GAREM1: variants seen among roughly 807,000 people sequenced by gnomAD.
GAREM1 encodes GRB2-associated and regulator of MAPK protein 1.
Under a neutral mutation model 71.3 loss-of-function variants are expected in GAREM1, and 26 were observed. That is an observed-to-expected ratio of 0.36 (90% CI 0.27 to 0.51). The LOEUF (loss-of-function observed/expected upper bound fraction) is 0.51, where lower values mean the gene tolerates loss of function less well. Ranked by LOEUF, GAREM1 falls within the 20% of genes least tolerant of loss-of-function variation. The probability of loss-of-function intolerance (pLI) is 0.95; values close to 1 mark genes in which losing one functional copy is unlikely to be tolerated. For missense variants in GAREM1, 1,026 were observed against 1,103.1 expected (o/e 0.93, Z 0.99); for synonymous variants, 440 against 433.2 (o/e 1.02, Z -0.20).
intron 2 of GAREM1, among the ~76,000 whole-genome samples, chr18:32,325,293 GATGCACGTC>G (rs2047464270): frequency 1.3e-5 from 2 of 152,182 alleles, no homozygotes; most frequent in African/African-American, 4.8e-5. Context: ...CTTAATGGTA[GATGCACGTC>G]ATTATATGTT....
chr18:32,447,062 T>C (rs1311957278), intron 1 of GAREM1, among the ~76,000 whole-genome samples: 6 of 152,222 alleles, frequency 3.9e-5, no homozygotes, highest in African/African-American at 1.4e-4. Context: ...CATGCAACTT[T>C]GCTGCTTTTA....
At chr18:32,298,655 G>A (rs796658166) in intron 3 of GAREM1, among the ~76,000 whole-genome samples, 76 of 152,126 alleles carry the variant, frequency 5.0e-4, no homozygotes, top group African/African-American at 1.7e-3. Context: ...TTGTGGACGC[G>A]CACACATTCT....
rs115598156 is a variant in GAREM1 at position 32,323,365 on chromosome 18, C to T, written c.263-13042G>A. Among the ~76,000 whole-genome samples, 357 of 152,314 alleles carry T rather than the reference C, an allele frequency of 2.3e-3. 2 individuals carry two copies. Among genetic ancestry groups the T allele is most frequent in the African/African-American group, 8.0e-3 (334 of 41,566 alleles). On this transcript the variant is annotated intron_variant, in intron 2 of 5. Coordinates refer to ENST00000269209, the MANE Select transcript of GAREM1 (RefSeq NM_001242409.2). The stretch of plus-strand genomic sequence containing the variant: ...TTCATTCTACCTTCATTTGAAGCCA[C>T]GGTCCTGAAGTGGAAGGCTACTCTT...
At chr18:32,325,963 T>A (rs2047471290) in intron 2 of GAREM1, among the ~76,000 whole-genome samples, 1 of 152,216 alleles carries the variant, frequency 6.6e-6, no homozygotes, top group Admixed American at 6.5e-5. Context: ...AGGATGAAGA[T>A]ACACTTGTCA....
chr18:32,322,466 C>G (rs752522311), intron 2 of GAREM1, among the ~76,000 whole-genome samples: 1 of 151,954 alleles, frequency 6.6e-6, no homozygotes, highest in Admixed American at 6.5e-5. Context: ...AATCAATTCA[C>G]TTATTACCTA....
intron 1 of GAREM1, among the ~76,000 whole-genome samples, chr18:32,405,358 T>C (rs1363885314): frequency 6.7e-6 from 1 of 149,218 alleles, no homozygotes; most frequent in Non-Finnish European, 1.5e-5. Flanking sequence ...ACCACCATGC[T>C]GGCTAATTTT....
At chr18:32,281,854 C>A (rs887939527) in intron 4 of GAREM1, among the ~76,000 whole-genome samples, 1 of 152,008 alleles carries the variant, frequency 6.6e-6, no homozygotes, top group African/African-American at 2.4e-5. Flanking sequence ...CTGAAGTAAC[C>A]GAAGAATCAC....
chr18:32,308,272 AG>A (rs1440012915), intron 3 of GAREM1, among the ~76,000 whole-genome samples: 1 of 134,310 alleles, frequency 7.4e-6, no homozygotes, highest in East Asian at 2.1e-4. Flanking sequence ...TATTAAAAAA[AG>A]AACTCTAAAA....
intron 4 of GAREM1, among the ~76,000 whole-genome samples, chr18:32,276,995 C>T (rs773351176): frequency 7.2e-5 from 11 of 152,140 alleles, no homozygotes; most frequent in Non-Finnish European, 1.6e-4. Flanking sequence ...AGGGGAACAA[C>T]AGTGCAAAGA....
At chr18:32,461,445 C>T (rs1192422272) in intron 1 of GAREM1, among the ~76,000 whole-genome samples, 1 of 152,094 alleles carries the variant, frequency 6.6e-6, no homozygotes, top group Non-Finnish European at 1.5e-5. Context: ...CCTGTAATTC[C>T]AGCACTTTGG....
At chr18:32,297,809 G>A (rs183024873) in intron 3 of GAREM1, among the ~76,000 whole-genome samples, 2 of 152,132 alleles carry the variant, frequency 1.3e-5, no homozygotes, top group Admixed American at 1.3e-4. Flanking sequence ...TGAAAAACTT[G>A]GCGAGTCACC....
intron 3 of GAREM1, among the ~76,000 whole-genome samples, chr18:32,292,212 T>C (rs191800601): frequency 1.0e-3 from 153 of 152,358 alleles, no homozygotes; most frequent in African/African-American, 3.6e-3. Context: ...TATCTCATTG[T>C]GGTTTTGATT....
Position 32,434,179 on chromosome 18 carries a change from T to C in GAREM1, c.121+36129A>G, listed in dbSNP as rs368344242. ...GTTTCTCACTGTTGAAAAAAGAAGT[T>C]ACAAATACAAAAAGGAGGACTATCA... On this transcript the variant is annotated intron_variant, in intron 1 of 5. Transcript: ENST00000269209. Among the ~76,000 whole-genome samples, 20 of 152,250 alleles carry C rather than the reference T, an allele frequency of 1.3e-4. No homozygotes were observed. In the South Asian group the frequency reaches 3.9e-3, roughly 30 times the overall value.
chr18:32,464,628 C>T (rs562061029), intron 1 of GAREM1, among the ~76,000 whole-genome samples: 10 of 152,304 alleles, frequency 6.6e-5, no homozygotes, highest in African/African-American at 2.4e-4. Flanking sequence ...ATTACCAGAT[C>T]AATAACCTGG....
At chr18:32,292,544 G>A (rs1410807112) in intron 3 of GAREM1, among the ~76,000 whole-genome samples, 3 of 152,096 alleles carry the variant, frequency 2.0e-5, no homozygotes, top group Non-Finnish European at 2.9e-5. Flanking sequence ...TGTCAAGGAC[G>A]GGACCAGGTG....
chr18:32,447,546 G>A (rs1033788322), intron 1 of GAREM1, among the ~76,000 whole-genome samples: 5 of 151,874 alleles, frequency 3.3e-5, no homozygotes, highest in Admixed American at 6.6e-5. Flanking sequence ...TTTTCTTATC[G>A]CATCATAACA....
intron 2 of GAREM1, among the ~76,000 whole-genome samples, chr18:32,368,274 G>C (rs1444910286): frequency 1.3e-5 from 2 of 152,048 alleles, no homozygotes; most frequent in African/African-American, 4.8e-5. Context: ...GCCATGTCCT[G>C]CTAGCCTCTC....
chr18:32,365,635 G>T (rs942105778), intron 2 of GAREM1, among the ~76,000 whole-genome samples: 4 of 152,080 alleles, frequency 2.6e-5, no homozygotes, highest in African/African-American at 9.7e-5. Flanking sequence ...CACTCCCACT[G>T]GCCTGTTGCA....
At chr18:32,294,027 G>A (rs1452023155) in intron 3 of GAREM1, among the ~76,000 whole-genome samples, 1 of 152,148 alleles carries the variant, frequency 6.6e-6, no homozygotes, top group African/African-American at 2.4e-5. Flanking sequence ...AATGAAATAA[G>A]TAATTGTTCC....
Sources: gnomAD v4.1 joint callset for allele counts (sites outside exome capture counted in the v4.1 genomes callset) on GRCh38, gnomAD v4.1.1 for gene constraint, MANE v1.5 for transcripts, NCBI Gene and HGNC (gene_info 2026-07-23, HGNC 2026-07-21) for gene names.